The following GRID2 variants were observed in gnomAD, a reference collection of about 807,000 sequenced individuals.
The protein encoded by GRID2 is glutamate ionotropic receptor delta type subunit 2.
In GRID2, 33 loss-of-function variants were observed where a neutral mutation model predicts 114.8. The observed-to-expected ratio is 0.29, with a 90% CI of 0.22 to 0.38. The LOEUF (loss-of-function observed/expected upper bound fraction) is 0.38, where lower values mean the gene tolerates loss of function less well. Among genes scored for constraint, GRID2 ranks in the 10% least tolerant of loss-of-function variants. The probability of loss-of-function intolerance (pLI) is 1.00; values close to 1 mark genes in which losing one functional copy is unlikely to be tolerated. For missense variants in GRID2, 1,184 were observed against 1,257.7 expected, an observed-to-expected ratio of 0.94 and a Z score of 0.89; for synonymous variants, 505 against 449.9, an observed-to-expected ratio of 1.12 and a Z score of -1.55.
intron 13 of GRID2, among the ~76,000 whole-genome samples, chr4:93,534,255 A>G (rs994251958): frequency 3.9e-5 from 6 of 152,124 alleles, no homozygotes; most frequent in African/African-American, 1.4e-4. Context: ...TTACTAATAT[A>G]TAATTTACTT....
chr4:92,875,802 A>G (rs142888440), intron 2 of GRID2, among the ~76,000 whole-genome samples: 135 of 152,288 alleles, frequency 8.9e-4, no homozygotes, highest in African/African-American at 2.9e-3. Flanking sequence ...CAAATACCAT[A>G]TCTACCTAGA....
chr4:92,530,385 ATTC>A (rs1275783421), intron 1 of GRID2, among the ~76,000 whole-genome samples: 1 of 151,824 alleles, frequency 6.6e-6, no homozygotes, highest in Non-Finnish European at 1.5e-5. Flanking sequence ...CATACGAACT[ATTC>A]TTCTATTAAA....
At chr4:93,004,784 G>A in intron 2 of GRID2, among the ~76,000 whole-genome samples, 1 of 152,002 alleles carries the variant, frequency 6.6e-6, no homozygotes, top group East Asian at 1.9e-4. Context: ...TATCAAGGTT[G>A]CTAATAATCT....
intron 14 of GRID2, among the ~76,000 whole-genome samples, chr4:93,740,131 A>C (rs536692498): frequency 6.6e-6 from 1 of 152,190 alleles, no homozygotes; most frequent in Non-Finnish European, 1.5e-5. Flanking sequence ...GGATATATTT[A>C]GATACACAAA....
chr4:93,092,546 C>T (rs924338820), intron 3 of GRID2, among the ~76,000 whole-genome samples: 5 of 151,826 alleles, frequency 3.3e-5, no homozygotes, highest in African/African-American at 9.7e-5. Flanking sequence ...GCTTTGTGTC[C>T]CATCTGTGAA....
intron 1 of GRID2, among the ~76,000 whole-genome samples, chr4:92,414,721 CAT>C (rs1299260670): frequency 6.6e-6 from 1 of 152,086 alleles, no homozygotes; most frequent in African/African-American, 2.4e-5. Flanking sequence ...TATAGAATAA[CAT>C]GTGGATGCTG....
intron 13 of GRID2, among the ~76,000 whole-genome samples, chr4:93,544,051 G>A (rs952615027): frequency 2.0e-5 from 3 of 152,122 alleles, no homozygotes; most frequent in Non-Finnish European, 4.4e-5. Context: ...AAATACTACT[G>A]TGATGTTTTC....
At chr4:93,274,425 A>C (rs1293744657) in intron 8 of GRID2, among the ~76,000 whole-genome samples, 3 of 152,116 alleles carry the variant, frequency 2.0e-5, no homozygotes, top group Non-Finnish European at 4.4e-5. Context: ...TTGAAAAGCA[A>C]TTTTACTGTA....
intron 1 of GRID2, among the ~76,000 whole-genome samples, chr4:92,582,715 C>T (rs961148771): frequency 2.0e-5 from 3 of 151,642 alleles, no homozygotes; most frequent in Non-Finnish European, 1.5e-5. Context: ...GTGATCTCAG[C>T]GCTTTGGGAT....
chr4:93,364,030 T>C (rs1422149997), intron 8 of GRID2, among the ~76,000 whole-genome samples: 2 of 152,068 alleles, frequency 1.3e-5, no homozygotes, highest in African/African-American at 4.8e-5. Context: ...TATATATGTG[T>C]GTTGTATTCA....
chr4:92,441,770 G>A (rs941010996), intron 1 of GRID2, among the ~76,000 whole-genome samples: 79 of 150,448 alleles, frequency 5.3e-4, no homozygotes, highest in Admixed American at 1.9e-3. Context: ...GTGCATGATC[G>A]GTCGCCAAGG....
chr4:93,332,941 A>G (rs34534000), intron 8 of GRID2, among the ~76,000 whole-genome samples: 6,175 of 152,276 alleles, frequency 0.041, 173 homozygotes, highest in Middle Eastern at 0.078. Flanking sequence ...TCATAACTAA[A>G]TGTAATAGCA....
chr4:92,907,636 C>G (rs1475311174), intron 2 of GRID2, among the ~76,000 whole-genome samples: 1 of 152,108 alleles, frequency 6.6e-6, no homozygotes, highest in Non-Finnish European at 1.5e-5. Flanking sequence ...TCTTGAACTC[C>G]TGACCTCAGT....
chr4:93,635,362 C>G (rs892233211), intron 14 of GRID2, among the ~76,000 whole-genome samples: 10 of 149,812 alleles, frequency 6.7e-5, no homozygotes, highest in African/African-American at 2.4e-4. Flanking sequence ...AAGGTTCACT[C>G]TCAAAGGGAG....
downstream of GRID2, among the ~76,000 whole-genome samples, chr4:93,777,628 C>A (rs927671772): frequency 6.6e-6 from 1 of 152,160 alleles, no homozygotes; most frequent in African/African-American, 2.4e-5. Context: ...TTTCAACAGT[C>A]TCAAACTATT....
chr4:93,636,400 A>G (rs1721413682), intron 14 of GRID2, among the ~76,000 whole-genome samples: 1 of 151,988 alleles, frequency 6.6e-6, no homozygotes, highest in Non-Finnish European at 1.5e-5. Context: ...AAAACCACAA[A>G]TTTACACTGC....
intron 4 of GRID2, among the ~76,000 whole-genome samples, chr4:93,204,975 A>G (rs1742532465): frequency 1.3e-5 from 2 of 152,016 alleles, no homozygotes; most frequent in African/African-American, 2.4e-5. Context: ...TCTGAATTCT[A>G]TTTACATATT....
chr4:93,095,389 A>C (rs1731124120), intron 3 of GRID2, among the ~76,000 whole-genome samples: 1 of 152,022 alleles, frequency 6.6e-6, no homozygotes, highest in African/African-American at 2.4e-5. Context: ...AGAAAACAAA[A>C]TTTGCCAGTA....
intron 2 of GRID2, among the ~76,000 whole-genome samples, chr4:93,026,579 A>G (rs1287111033): frequency 6.6e-6 from 1 of 151,726 alleles, no homozygotes; most frequent in Non-Finnish European, 1.5e-5. Context: ...ATTTACTTTG[A>G]TGGTACAGAA....
Sources: gnomAD v4.1 joint callset for allele counts (sites outside exome capture counted in the v4.1 genomes callset) on GRCh38, gnomAD v4.1.1 for gene constraint, MANE v1.5 for transcripts, NCBI Gene and HGNC (gene_info 2026-07-23, HGNC 2026-07-21) for gene names.